The following ABLIM1 variants were observed in gnomAD, a reference collection of about 807,000 sequenced individuals.
ABLIM1 encodes the protein actin-binding LIM protein 1.
A neutral mutation model predicts 107.0 loss-of-function variants in ABLIM1; 40 were observed. The observed-to-expected ratio is 0.37, with a 90% CI of 0.29 to 0.49. ABLIM1 has a LOEUF of 0.49. ABLIM1 is among the 20% of genes least tolerant of loss of function. ABLIM1 has a pLI of 0.97. For synonymous variants in ABLIM1, 357 were observed against 357.3 expected (o/e 1.00, Z 0.01); for missense variants, 857 against 1,008.5 (o/e 0.85, Z 2.04).
intron 8 of ABLIM1, among the ~76,000 whole-genome samples, chr10:114,480,536 T>A (rs2057185885): frequency 6.6e-6 from 1 of 152,242 alleles, no homozygotes; most frequent in Admixed American, 6.5e-5. Flanking sequence ...TGATGCTATC[T>A]TTGGCATCTT....
intron 20 of ABLIM1, 43 bp from the exon 21 acceptor site, chr10:114,439,293 T>G (rs756597263): frequency 6.2e-7 from 1 of 1,608,518 alleles, no homozygotes; most frequent in Non-Finnish European, 8.5e-7. Flanking sequence ...TGAAATAGTC[T>G]AGGAAACTGA....
intron 6 of ABLIM1, chr10:114,502,448 C>T (rs1382245389): frequency 6.6e-6 from 1 of 152,166 alleles, no homozygotes; most frequent in Non-Finnish European, 1.5e-5. Flanking sequence ...ACACCTCCCC[C>T]CACCTTCTTT....
chr10:114,605,864 A>T (rs2076376179), intron 1 of ABLIM1, among the ~76,000 whole-genome samples: 1 of 152,300 alleles, frequency 6.6e-6, no homozygotes, highest in Admixed American at 6.5e-5. Flanking sequence ...AAAGCAGATC[A>T]GCCATGTCTC....
chr10:114,571,219 C>T lies in ABLIM1; in HGVS notation c.673+78G>A, dbSNP rs1299222856. 3 of 1,240,244 alleles carry T rather than the reference C, an allele frequency of 2.4e-6. No homozygotes were observed. The African/African-American group carries it at 4.5e-5, about 18-fold the overall frequency. 76.8% of individuals were successfully genotyped at this position (1,240,244 alleles called of 1,614,324 possible). A position where few individuals can be genotyped will look rare whatever the true frequency, so the allele number is the denominator to read the frequency against. On this transcript the variant is annotated intron_variant, in intron 4 of 22. Coordinates refer to ENST00000533213, the MANE Select transcript of ABLIM1 (RefSeq NM_002313.7). ...CTCTCATTTCCAGCTAACAGCGTTTCTCAAAAAGGAAGGCACCTGCCTGAG... is the reference window on the plus strand; with the variant it reads ...CTCTCATTTCCAGCTAACAGCGTTTTTCAAAAAGGAAGGCACCTGCCTGAG...
Position 114,542,589 on chromosome 10 carries a change from G to GGAA in ABLIM1, c.894+2413_894+2415dup, listed in dbSNP as rs1565882547. The stretch of plus-strand genomic sequence containing the variant: ...GAAGGGAGGAGGACGAGGAGGAGGA[G>GGAA]GAAGGAGGAAGAAGAAGAAAAAAGA... On this transcript the variant is annotated intron_variant, in intron 6 of 22. Transcript: ENST00000533213. Among the ~76,000 whole-genome samples, 8 of 150,022 alleles carry GGAA rather than the reference G, an allele frequency of 5.3e-5. No homozygotes were observed. The South Asian group carries it at 6.4e-4, about 12-fold the overall frequency.
At chr10:114,457,373 G>A (rs941988238) in intron 12 of ABLIM1, among the ~76,000 whole-genome samples, 4 of 151,998 alleles carry the variant, frequency 2.6e-5, no homozygotes, top group African/African-American at 4.8e-5. Context: ...AGGTTCAAGC[G>A]ATTCTCCTGC....
At chr10:114,692,092 T>C (rs966289043) in intron 1 of ABLIM1, among the ~76,000 whole-genome samples, 1 of 152,216 alleles carries the variant, frequency 6.6e-6, no homozygotes, top group Non-Finnish European at 1.5e-5. Context: ...CATATTCTAC[T>C]AAGAATAAGA....
At chr10:114,766,928 C>G (rs1265770588) in intron 1 of ABLIM1, among the ~76,000 whole-genome samples, 1 of 152,142 alleles carries the variant, frequency 6.6e-6, no homozygotes, top group East Asian at 1.9e-4. Flanking sequence ...ACCTCTGCAT[C>G]CTGGTATCTA....
At chr10:114,527,067 G>T in intron 6 of ABLIM1, 2 of 723,520 alleles carry the variant, frequency 2.8e-6, no homozygotes, top group Non-Finnish European at 1.7e-6. Flanking sequence ...ACTCACTATT[G>T]TCTGCATGTG....
chr10:114,610,337 G>A (rs1163389378), intron 1 of ABLIM1, among the ~76,000 whole-genome samples: 1 of 152,182 alleles, frequency 6.6e-6, no homozygotes, highest in African/African-American at 2.4e-5. Context: ...GACTGGTCTG[G>A]ATTTGCAATC....
intron 2 of ABLIM1, among the ~76,000 whole-genome samples, chr10:114,583,468 C>CATATATATATATATATATATAT (rs140129654): frequency 6.6e-4 from 10 of 15,056 alleles, no homozygotes; most frequent in Admixed American, 1.7e-3. Flanking sequence ...CACACACACA[C>CATATATATATATATATATATAT]ATATATATAT....
intron 8 of ABLIM1, among the ~76,000 whole-genome samples, chr10:114,477,045 A>G (rs1036770906): frequency 1.3e-5 from 2 of 152,162 alleles, no homozygotes; most frequent in Admixed American, 6.5e-5. Context: ...CAGATAAGGA[A>G]AAAGTATCAG....
intron 8 of ABLIM1, chr10:114,485,482 AAACT>A: frequency 9.5e-7 from 1 of 1,053,580 alleles, no homozygotes; most frequent in East Asian, 2.8e-5. Context: ...ACCTTAGGTA[AAACT>A]AACTTGAGAG....
At chr10:114,706,856 T>C (rs911696318) in intron 1 of ABLIM1, among the ~76,000 whole-genome samples, 19 of 146,722 alleles carry the variant, frequency 1.3e-4, no homozygotes, top group Non-Finnish European at 2.6e-4. Context: ...TCTTCTACTT[T>C]AAAAAAAAAA....
intron 6 of ABLIM1, among the ~76,000 whole-genome samples, chr10:114,493,267 G>T (rs908213377): frequency 1.5e-4 from 23 of 152,146 alleles, no homozygotes; most frequent in Non-Finnish European, 2.6e-4. Context: ...TGCCAGTGCT[G>T]GGAGGCCCAA....
At chr10:114,566,185 G>T (rs556536873) in intron 4 of ABLIM1, among the ~76,000 whole-genome samples, 4 of 152,272 alleles carry the variant, frequency 2.6e-5, no homozygotes, top group African/African-American at 7.2e-5. Flanking sequence ...TGCACACAGA[G>T]GAGGGAAAAG....
chr10:114,702,716 G>A (rs955364038), intron 1 of ABLIM1, among the ~76,000 whole-genome samples: 7 of 151,758 alleles, frequency 4.6e-5, no homozygotes, highest in Admixed American at 2.6e-4. Flanking sequence ...TAGTAGAGAC[G>A]GGGTTTCACC....
intron 1 of ABLIM1, among the ~76,000 whole-genome samples, chr10:114,748,942 G>A (rs1460563696): frequency 6.6e-6 from 1 of 152,040 alleles, no homozygotes; most frequent in Non-Finnish European, 1.5e-5. Flanking sequence ...CAAAGTGCTG[G>A]GATTATAGCC....
intron 1 of ABLIM1, among the ~76,000 whole-genome samples, chr10:114,753,797 G>T (rs547402512): frequency 1.3e-5 from 2 of 152,128 alleles, no homozygotes; most frequent in Non-Finnish European, 2.9e-5. Flanking sequence ...AAACTGCATT[G>T]TCCAAGCTGA....
Sources: allele counts gnomAD v4.1 joint callset (sites outside exome capture counted in the v4.1 genomes callset), GRCh38; gene constraint gnomAD v4.1.1; transcripts MANE v1.5; gene names NCBI Gene and HGNC (gene_info 2026-07-23, HGNC 2026-07-21).